SMARCA5: variants seen among roughly 807,000 people sequenced by gnomAD.
SMARCA5 encodes SNF2 related chromatin remodeling ATPase 5.
A neutral mutation model predicts 140.4 loss-of-function variants in SMARCA5; 18 were observed. That is an observed-to-expected ratio of 0.13 (90% CI 0.09 to 0.19). SMARCA5 has a LOEUF of 0.19. SMARCA5 is among the 10% of genes least tolerant of loss of function. The pLI, the probability that SMARCA5 is intolerant of heterozygous loss-of-function variation, is 1.00. For missense variants in SMARCA5, 606 were observed against 1,276.8 expected (o/e 0.47, Z 8.01); for synonymous variants, 449 against 419.6 (o/e 1.07, Z -0.86).
At chr4:143,553,094 A>T (rs1290085132) in intron 23 of SMARCA5, 25 bp from the exon 24 acceptor site, 1 of 1,585,984 alleles carries the variant, frequency 6.3e-7, no homozygotes, top group Non-Finnish European at 8.7e-7. Flanking sequence ...GTCTTGTGAA[A>T]AGTAATCCTT....
rs768753429 is a variant in SMARCA5 at position 143,544,838 on chromosome 4, A to G, written c.2274A>G (p.Lys758=). 1 of 1,590,606 alleles carries G rather than the reference A, an allele frequency of 6.3e-7. No homozygotes were observed. The highest frequency in any genetic ancestry group is 8.6e-7 in the Non-Finnish European group (1 of 1,160,384). ...AAGCTCTTCGTGTTAGTGAACCTAAAGCACCCAAGGTGAGTTGACTGACAC... is the reference window on the plus strand; with the variant it reads ...AAGCTCTTCGTGTTAGTGAACCTAAGGCACCCAAGGTGAGTTGACTGACAC... The part of the protein sequence containing the change: ...FREALRVSEP[K]APKAPRPPKQ... Residue 758 remains lysine (K), a synonymous_variant, in exon 17 of 24, where the codon AAA becomes AAG. Coordinates refer to ENST00000283131, the MANE Select transcript of SMARCA5 (RefSeq NM_003601.4).
intron 3 of SMARCA5, among the ~76,000 whole-genome samples, chr4:143,522,227 G>GT (rs1434093639): frequency 6.6e-6 from 1 of 152,154 alleles, no homozygotes; most frequent in African/African-American, 2.4e-5. Flanking sequence ...ATACTTAGTT[G>GT]TTTTTATATA....
Position 143,543,889 on chromosome 4 carries a change from G to A in SMARCA5, c.2089G>A (p.Glu697Lys). 4.3e-6 allele frequency: 7 copies of A among 1,610,376 alleles called. No individual in the cohort carries two copies. Among genetic ancestry groups the A allele is most frequent in the South Asian group, 1.1e-5 (1 of 90,160 alleles). ...GAATGAAAAGCTCTCCAAGATGGGC[G>A]AAAGTTCACTTAGAAACTTTACAAT... The part of the protein sequence containing the change: ...EMNEKLSKMG[E>K]SSLRNFTMDT... Residue 697 changes from glutamate to lysine, a missense_variant, in exon 16 of 24, where the codon GAA becomes AAA. By Grantham distance (56) the Glu-to-Lys change is moderately conservative. Coordinates refer to ENST00000283131, the MANE Select transcript of SMARCA5 (RefSeq NM_003601.4).
chr4:143,544,959 T>C (rs1287011352), intron 17 of SMARCA5, 112 bp downstream of exon 17: 2 of 615,270 alleles, frequency 3.3e-6, no homozygotes, highest in African/African-American at 1.9e-5. Context: ...TTTTTTTTTT[T>C]TTTTTTGAGA....
rs1737471312 is a variant in SMARCA5 at position 143,543,651 on chromosome 4, A to G, written c.2046A>G (p.Ala682=). 2 of 1,612,054 alleles carry G rather than the reference A, an allele frequency of 1.2e-6. No individual in the cohort carries two copies. Among genetic ancestry groups the G allele is most frequent in the Admixed American group, 1.7e-5 (1 of 59,878 alleles). Residue 682 remains alanine, a synonymous_variant, in exon 15 of 24, where the codon GCA becomes GCG. Transcript: ENST00000283131. ...TCGATGGTATTTTGGAAAGAGGTGC[A>G]AAGAAGGTGAGATGTAGATTAAATA... is the stretch of plus-strand genomic sequence containing the variant. ...EDIDGILERG[A]KKTAEMNEKL...
At chr4:143,544,904 T>C in intron 17 of SMARCA5, 57 bp downstream of exon 17, 1 of 862,954 alleles carries the variant, frequency 1.2e-6, no homozygotes. Flanking sequence ...GTAATTTTTT[T>C]CATATATTCT....
chr4:143,552,634 G>A (rs898341472), intron 23 of SMARCA5, among the ~76,000 whole-genome samples: 9 of 151,986 alleles, frequency 5.9e-5, no homozygotes, highest in African/African-American at 2.2e-4. Context: ...GACTTTTACT[G>A]TTAGTCTCTA....
intron 1 of SMARCA5, chr4:143,514,471 C>T (rs1034547702): frequency 1.6e-5 from 3 of 193,040 alleles, no homozygotes; most frequent in Admixed American, 1.2e-4. Context: ...TAGTTTCCAC[C>T]AAACTTCGGG....
At position 143,555,281 on chromosome 4, in the gene SMARCA5, C is replaced by A. The variant is rs910017941; in HGVS notation, c.*2097C>A. On this transcript the variant is annotated 3_prime_UTR_variant, in exon 24 of 24. Coordinates refer to ENST00000283131, the MANE Select transcript of SMARCA5 (RefSeq NM_003601.4). ...ATTTGAAGACTGATTGTTGTCATTG[C>A]CAAAATCATTGTAGCTTTTACCACC... is the stretch of plus-strand genomic sequence containing the variant. 4.9e-6 allele frequency: 4 copies of A among 817,572 alleles called. No homozygotes were observed. The highest frequency in any genetic ancestry group is 8.4e-6 in the Non-Finnish European group (4 of 474,790). 50.6% of individuals were successfully genotyped at this position (817,572 alleles called of 1,614,324 possible).
intron 2 of SMARCA5, among the ~76,000 whole-genome samples, chr4:143,519,271 G>T (rs745648127): frequency 2.0e-5 from 3 of 151,774 alleles, no homozygotes; most frequent in Non-Finnish European, 4.4e-5. Flanking sequence ...TCCTCTTCAG[G>T]TATACTCAAG....
At chr4:143,526,001 A>G (rs1328545511) in intron 5 of SMARCA5, among the ~76,000 whole-genome samples, 1 of 152,230 alleles carries the variant, frequency 6.6e-6, no homozygotes, top group Admixed American at 6.5e-5. Flanking sequence ...AGAAAGTATG[A>G]AGTCAAAAGA....
intron 3 of SMARCA5, among the ~76,000 whole-genome samples, chr4:143,523,175 C>T (rs889499333): frequency 1.7e-4 from 26 of 151,980 alleles, no homozygotes; most frequent in Non-Finnish European, 2.8e-4. Context: ...TACAGGCTCA[C>T]GCCACCACGC....
In SMARCA5 at chr4:143,515,954, CA is replaced by C. The variant is rs566927242; in HGVS notation, c.178-1400del. On this transcript the variant is annotated intron_variant, in intron 1 of 23. Coordinates refer to ENST00000283131, the MANE Select transcript of SMARCA5 (RefSeq NM_003601.4). ...TTTTTTATCCATCTTATCACTGACA[CA>C]TTTTTTTTTTGGTTGACATTATAGT... 4.3e-3 allele frequency among the ~76,000 whole-genome samples: 646 copies of C among 151,050 alleles called. 3 individuals are homozygous for C. The highest frequency in any genetic ancestry group is 6.7e-3 in the Non-Finnish European group (452 of 67,734).
intron 23 of SMARCA5, 120 bp downstream of exon 23, chr4:143,550,224 A>ATTTT: frequency 1.1e-5 from 3 of 271,964 alleles, no homozygotes; most frequent in Non-Finnish European, 1.2e-5. Context: ...CATTGCCTTT[A>ATTTT]CTTTTTTTTT....
chr4:143,546,313 A>G (rs1352420866), intron 19 of SMARCA5, among the ~76,000 whole-genome samples: 3 of 152,026 alleles, frequency 2.0e-5, no homozygotes, highest in Non-Finnish European at 4.4e-5. Context: ...CTTTCCTATG[A>G]ATTTTCCACA....
chr4:143,541,861 C>CT (rs559237701), intron 14 of SMARCA5, among the ~76,000 whole-genome samples: 270 of 145,512 alleles, frequency 1.9e-3, no homozygotes, highest in South Asian at 4.1e-3. Flanking sequence ...CCATGAAACA[C>CT]TTTTTTTTTT....
chr4:143,528,547 A>T, intron 7 of SMARCA5, 36 bp from the exon 8 acceptor site: 1 of 1,590,800 alleles, frequency 6.3e-7, no homozygotes. Flanking sequence ...CAATATGCAG[A>T]ATATTCTAAT....
intron 11 of SMARCA5, among the ~76,000 whole-genome samples, chr4:143,538,068 A>G (rs924923056): frequency 1.3e-5 from 2 of 152,176 alleles, no homozygotes; most frequent in African/African-American, 2.4e-5. Flanking sequence ...TACTGAAGGT[A>G]TTATGTAGCT....
chr4:143,516,355 TC>T (rs1191472164), intron 1 of SMARCA5, among the ~76,000 whole-genome samples: 1 of 152,152 alleles, frequency 6.6e-6, no homozygotes, highest in Non-Finnish European at 1.5e-5. Context: ...GTGGAACTCT[TC>T]TGTGTTCATC....
Sources: allele counts gnomAD v4.1 joint callset (sites outside exome capture counted in the v4.1 genomes callset), GRCh38; gene constraint gnomAD v4.1.1; transcripts MANE v1.5; gene names NCBI Gene and HGNC (gene_info 2026-07-23, HGNC 2026-07-21).